CUX1: variants seen among roughly 807,000 people sequenced by gnomAD.
CUX1 encodes cut like homeobox 1.
A neutral mutation model predicts 158.8 loss-of-function variants in CUX1; 31 were observed. That is an observed-to-expected ratio of 0.20 (90% confidence interval 0.15 to 0.26). The LOEUF (loss-of-function observed/expected upper bound fraction) is 0.26. Among genes scored for constraint, CUX1 ranks in the 10% least tolerant of loss-of-function variants. CUX1 has a pLI of 1.00. For synonymous variants in CUX1, 879 were observed against 862.1 expected (o/e 1.02, Z -0.34); for missense variants, 1,589 against 2,014.6 (o/e 0.79, Z 4.04).
rs1801258692 is a variant in CUX1, at chr7:102,249,552, C to T, written c.*510C>T. The stretch of plus-strand genomic sequence containing the variant: ...CTCTTACAGCTTTGCCTTGTGTCCT[C>T]CTGTTCCGTGTGGGCTTTAAAAGAA... On this transcript the variant is annotated 3_prime_UTR_variant, in exon 24 of 24. Coordinates refer to ENST00000292535, the MANE Select transcript of CUX1 (RefSeq NM_181552.4). 12 of 985,648 alleles carry T rather than the reference C, an allele frequency of 1.2e-5. No individual in the cohort carries two copies. In the South Asian group the frequency reaches 4.2e-4, roughly 35 times the overall value. 61.1% of individuals were successfully genotyped at this position (985,648 alleles called of 1,614,324 possible). A position where few individuals can be genotyped will look rare whatever the true frequency, so the allele number is the denominator to read the frequency against.
At chr7:102,168,686 G>A (rs1791328819) in intron 9 of CUX1, among the ~76,000 whole-genome samples, 2 of 150,696 alleles carry the variant, frequency 1.3e-5, no homozygotes, top group Non-Finnish European at 2.9e-5. Flanking sequence ...TCTGTATGCA[G>A]GGCAAATAGA....
chr7:102,216,547 C>T lies in CUX1; in HGVS notation c.3131-10820C>T, dbSNP rs1247616580. On this transcript the variant is annotated intron_variant, in intron 20 of 23. Coordinates refer to ENST00000292535, the MANE Select transcript of CUX1 (RefSeq NM_181552.4). Reference sequence around the variant, plus strand: ...ACACTCTCCCCCCCACACACACACACCCACACACGCACACACACTCCCACA... The same window carrying T: ...ACACTCTCCCCCCCACACACACACATCCACACACGCACACACACTCCCACA... Among the ~76,000 whole-genome samples the T allele has an allele frequency of 1.5e-4, 6 of 40,040 alleles. 1 individual carries two copies. Among genetic ancestry groups the T allele is most frequent in the Admixed American group, 1.2e-3 (3 of 2,584 alleles). The allele number at this position is 40,040 out of a possible 152,430, so 26.3% of individuals were successfully genotyped here.
At chr7:102,273,704 C>T (rs1554546905) in intron 15 of CUX1, among the ~76,000 whole-genome samples, 1 of 152,238 alleles carries the variant, frequency 6.6e-6, no homozygotes, top group African/African-American at 2.4e-5. Flanking sequence ...GCAGAGGCCA[C>T]AGGGCTTCCT....
chr7:101,916,339 C>A lies in CUX1; in HGVS notation c.141+114C>A. 3 of 682,794 alleles carry A rather than the reference C, an allele frequency of 4.4e-6. No homozygotes were observed. Among genetic ancestry groups the A allele is most frequent in the Non-Finnish European group, 8.0e-6 (3 of 373,424 alleles). 42.3% of individuals were successfully genotyped at this position (682,794 alleles called of 1,614,324 possible). On this transcript the variant is annotated intron_variant, in intron 2 of 23. Transcript: ENST00000292535. The surrounding 1 kb of genome is among the most constrained non-coding windows in gnomAD (Gnocchi z 4.4). ...ATCAGATGAACGCACGGCCGGCAAA[C>A]AACCCGTTTCTTTCCCCAGATGTCT...
intron 1 of CUX1, among the ~76,000 whole-genome samples, chr7:101,860,857 AGTGCAGTG>A (rs1797383383): frequency 6.8e-6 from 1 of 147,864 alleles, no homozygotes. Flanking sequence ...CCCAGGCTGG[AGTGCAGTG>A]GTGCAGCCAT....
chr7:101,975,144 A>G (rs901196266), intron 2 of CUX1, among the ~76,000 whole-genome samples: 1 of 152,050 alleles, frequency 6.6e-6, no homozygotes, highest in Admixed American at 6.6e-5. Context: ...TCAGCTGCTC[A>G]GGAGGCTGAG....
Position 102,255,457 on chromosome 7 carries a change from C to T in CUX1, c.*6415C>T, listed in dbSNP as rs1163969095. On this transcript the variant is annotated 3_prime_UTR_variant, in exon 24 of 24. Coordinates refer to ENST00000292535, the MANE Select transcript of CUX1 (RefSeq NM_181552.4). The stretch of plus-strand genomic sequence containing the variant: ...TTGGCTATGCATAAATGTGCACTTC[C>T]CCCATGCCCCCGTTCTTAAACTCTT... 1.0e-6 allele frequency: 1 copy of T among 984,968 alleles called. No homozygotes were observed. Among genetic ancestry groups the T allele is most frequent in the African/African-American group, 1.8e-5 (1 of 57,136 alleles). 61.0% of individuals were successfully genotyped at this position (984,968 alleles called of 1,614,324 possible).
intron 1 of CUX1, among the ~76,000 whole-genome samples, chr7:101,867,644 C>T (rs575386737): frequency 3.9e-5 from 6 of 152,278 alleles, no homozygotes; most frequent in East Asian, 3.9e-4. Flanking sequence ...GTGGTGGCTC[C>T]GTCACACGCA....
chr7:102,254,434 C>T lies in CUX1; in HGVS notation c.*5392C>T. On this transcript the variant is annotated 3_prime_UTR_variant, in exon 24 of 24. Transcript: ENST00000292535. ...ACGGAAAAGGATAGATGGCTTCCTC[C>T]AGCCTACACGCCCCGTCCACAGTGG... is the stretch of plus-strand genomic sequence containing the variant. The T allele has an allele frequency of 4.1e-6, 4 of 985,406 alleles. No homozygotes were observed. Among genetic ancestry groups the T allele is most frequent in the Non-Finnish European group, 4.8e-6 (4 of 829,966 alleles). 61.0% of individuals were successfully genotyped at this position (985,406 alleles called of 1,614,324 possible). A position where few individuals can be genotyped will look rare whatever the true frequency, so the allele number is the denominator to read the frequency against.
chr7:101,974,738 C>T (rs992473160), intron 2 of CUX1, among the ~76,000 whole-genome samples: 3 of 152,116 alleles, frequency 2.0e-5, no homozygotes, highest in Non-Finnish European at 2.9e-5. Context: ...GGCTTTCATT[C>T]ATTCCTTAGT....
At chr7:101,822,793 C>T (rs936264629) in intron 1 of CUX1, among the ~76,000 whole-genome samples, 5 of 151,650 alleles carry the variant, frequency 3.3e-5, no homozygotes, top group African/African-American at 1.2e-4. Flanking sequence ...CCCAGATACT[C>T]GGCAGGCTGA....
intron 3 of CUX1, among the ~76,000 whole-genome samples, chr7:102,065,156 A>C (rs887343203): frequency 6.6e-6 from 1 of 151,456 alleles, no homozygotes; most frequent in Admixed American, 6.6e-5. Context: ...ATCATAGCTC[A>C]CTCCAGCCTT....
chr7:101,882,772 T>TG (rs1028486834), intron 1 of CUX1, among the ~76,000 whole-genome samples: 1 of 152,146 alleles, frequency 6.6e-6, no homozygotes, highest in Non-Finnish European at 1.5e-5. Flanking sequence ...CCCCTCTCTG[T>TG]GGGCGTGGGA....
chr7:102,130,961 C>T (rs540061440), intron 8 of CUX1, among the ~76,000 whole-genome samples: 1 of 151,932 alleles, frequency 6.6e-6, no homozygotes, highest in East Asian at 1.9e-4. Flanking sequence ...CCGGCCTGGC[C>T]AACATGATGA....
chr7:102,240,883 C>T (rs1036069728), intron 23 of CUX1, among the ~76,000 whole-genome samples: 4 of 152,156 alleles, frequency 2.6e-5, no homozygotes, highest in Non-Finnish European at 4.4e-5. Context: ...TGCAGTGGCA[C>T]GATCTCGGCT....
At chr7:101,827,471 AT>A (rs1395056629) in intron 1 of CUX1, among the ~76,000 whole-genome samples, 4 of 151,902 alleles carry the variant, frequency 2.6e-5, no homozygotes, top group Non-Finnish European at 5.9e-5. Flanking sequence ...TGCCTGGCTA[AT>A]TTTTAATTTT....
intron 6 of CUX1, among the ~76,000 whole-genome samples, chr7:102,107,414 C>T (rs775414691): frequency 9.9e-5 from 15 of 151,836 alleles, no homozygotes; most frequent in Non-Finnish European, 7.4e-5. Flanking sequence ...GTGGCACATG[C>T]CTGTAATCCC....
intron 1 of CUX1, chr7:101,824,398 T>A (rs1793027003): frequency 6.6e-6 from 1 of 152,284 alleles, no homozygotes; most frequent in African/African-American, 2.4e-5. Flanking sequence ...CTCCACTCTT[T>A]TTAGACACCT....
At chr7:101,957,345 G>A (rs1333033487) in intron 2 of CUX1, among the ~76,000 whole-genome samples, 2 of 152,206 alleles carry the variant, frequency 1.3e-5, no homozygotes, top group African/African-American at 2.4e-5. Context: ...TCTTAGCAGG[G>A]ATTATTTTTG....
Sources: gnomAD v4.1 joint callset for allele counts (sites outside exome capture counted in the v4.1 genomes callset) on GRCh38, gnomAD v4.1.1 for gene constraint, Gnocchi (gnomAD v3.1) non-coding constraint, MANE v1.5 for transcripts, NCBI Gene and HGNC (gene_info 2026-07-23, HGNC 2026-07-21) for gene names.